The following FBXW11 variants were observed in gnomAD, a reference collection of about 807,000 sequenced individuals.
The protein encoded by FBXW11 is F-box and WD repeat domain containing 11.
Under a neutral mutation model 77.6 loss-of-function variants are expected in FBXW11, and 19 were observed. That is an observed-to-expected ratio of 0.24 (90% CI 0.17 to 0.36). The LOEUF is 0.36. Among genes scored for constraint, FBXW11 ranks in the 10% least tolerant of loss-of-function variants. The probability of loss-of-function intolerance (pLI) is 1.00; values close to 1 mark genes in which losing one functional copy is unlikely to be tolerated. For synonymous variants in FBXW11, 235 were observed against 249.4 expected, an observed-to-expected ratio of 0.94 and a Z score of 0.54; for missense variants, 334 against 704.2, an observed-to-expected ratio of 0.47 and a Z score of 5.95.
intron 1 of FBXW11, among the ~76,000 whole-genome samples, chr5:171,990,905 A>G (rs1486382719): frequency 1.3e-5 from 2 of 151,572 alleles, no homozygotes; most frequent in African/African-American, 2.4e-5. Flanking sequence ...ACTCACTGCA[A>G]CCCCCCACCT....
chr5:171,940,409 A>G (rs1349365072), intron 2 of FBXW11, among the ~76,000 whole-genome samples: 1 of 152,210 alleles, frequency 6.6e-6, no homozygotes, highest in Admixed American at 6.5e-5. Context: ...CCTAGAAGCA[A>G]TGACATTCCA....
chr5:171,968,596 T>C (rs1362853917), intron 1 of FBXW11, among the ~76,000 whole-genome samples: 1 of 152,190 alleles, frequency 6.6e-6, no homozygotes, highest in East Asian at 1.9e-4. Flanking sequence ...AAGTTACTAC[T>C]TCTAAATATG....
intron 2 of FBXW11, among the ~76,000 whole-genome samples, chr5:171,923,410 T>C (rs1277429184): frequency 6.6e-6 from 1 of 152,236 alleles, no homozygotes; most frequent in Non-Finnish European, 1.5e-5. Context: ...GAAGTTTAAT[T>C]TGTCAATTGT....
intron 1 of FBXW11, among the ~76,000 whole-genome samples, chr5:171,993,292 A>G (rs1765849746): frequency 6.6e-6 from 1 of 152,150 alleles, no homozygotes; most frequent in African/African-American, 2.4e-5. Context: ...CATATTAATT[A>G]GGACCTAGTA....
At chr5:171,930,028 C>T (rs1202222768) in intron 2 of FBXW11, among the ~76,000 whole-genome samples, 1 of 152,036 alleles carries the variant, frequency 6.6e-6, no homozygotes, top group Non-Finnish European at 1.5e-5. Flanking sequence ...TATGCTCCAG[C>T]CATAAATCTT....
intron 2 of FBXW11, among the ~76,000 whole-genome samples, chr5:171,956,491 C>A (rs1199016560): frequency 6.6e-6 from 1 of 152,158 alleles, no homozygotes; most frequent in African/African-American, 2.4e-5. Flanking sequence ...CCAAAGAAAG[C>A]AATTTGAATC....
chr5:171,952,445 A>ATTTTT (rs1206783053), intron 2 of FBXW11, among the ~76,000 whole-genome samples: 4 of 9,596 alleles, frequency 4.2e-4, no homozygotes, highest in African/African-American at 8.3e-4. Flanking sequence ...ATATATATAT[A>ATTTTT]TATTTTTTTT....
At chr5:171,915,414 G>A (rs1463862962) in intron 2 of FBXW11, among the ~76,000 whole-genome samples, 7 of 152,138 alleles carry the variant, frequency 4.6e-5, no homozygotes, top group Admixed American at 4.6e-4. Flanking sequence ...GTCCTAAAAT[G>A]TTTGGACTAT....
At chr5:171,978,301 G>A (rs899530974) in intron 1 of FBXW11, among the ~76,000 whole-genome samples, 2 of 152,104 alleles carry the variant, frequency 1.3e-5, no homozygotes, top group Admixed American at 1.3e-4. Context: ...AATCATCAAA[G>A]GAATATCAAA....
chr5:171,910,888 A>G (rs1160713087), intron 3 of FBXW11, 91 bp from the exon 4 acceptor site: 1 of 910,136 alleles, frequency 1.1e-6, no homozygotes, highest in Non-Finnish European at 1.6e-6. Flanking sequence ...CTGTGTATTT[A>G]ATCTTAAAAT....
Position 171,862,130 on chromosome 5 carries a change from C to T in FBXW11, c.*1997G>A, listed in dbSNP as rs984158296. The T allele has an allele frequency of 1.3e-5, 2 of 152,614 alleles. No individual in the cohort carries two copies. The highest frequency in any genetic ancestry group is 4.8e-5 in the African/African-American group (2 of 41,426). The allele number at this position is 152,614 out of a possible 1,614,324, so 9.5% of individuals were successfully genotyped here. ...TCAGAATTGCCTCCTCCCCTGCCCC[C>T]TCCCTTCCCCCTGGGCTTTCCTAAC... is the stretch of plus-strand genomic sequence containing the variant. On this transcript the variant is annotated 3_prime_UTR_variant, in exon 14 of 14. Coordinates refer to ENST00000517395, the MANE Select transcript of FBXW11 (RefSeq NM_001378974.1).
chr5:171,934,466 C>T (rs1445905603), intron 2 of FBXW11, among the ~76,000 whole-genome samples: 2 of 151,908 alleles, frequency 1.3e-5, no homozygotes, highest in Non-Finnish European at 1.5e-5. Flanking sequence ...TCACTTGAGG[C>T]CAGGGTTCAA....
At chr5:171,995,870 T>C (rs932051362) in intron 1 of FBXW11, among the ~76,000 whole-genome samples, 1 of 152,182 alleles carries the variant, frequency 6.6e-6, no homozygotes, top group Non-Finnish European at 1.5e-5. Flanking sequence ...GACAGGCAAT[T>C]TGAAAATCTA....
At chr5:171,935,291 TCTAAA>T (rs1462613147) in intron 2 of FBXW11, among the ~76,000 whole-genome samples, 21 of 152,160 alleles carry the variant, frequency 1.4e-4, no homozygotes, top group African/African-American at 5.1e-4. Context: ...ATACAAATGT[TCTAAA>T]CTGACTGTGG....
intron 3 of FBXW11, among the ~76,000 whole-genome samples, chr5:171,913,876 A>C (rs922932069): frequency 2.1e-4 from 21 of 100,226 alleles, no homozygotes; most frequent in Non-Finnish European, 3.5e-4. Context: ...CACACACACA[A>C]CCTGGGAAAT....
intron 7 of FBXW11, among the ~76,000 whole-genome samples, chr5:171,890,633 T>C (rs1759282774): frequency 6.6e-6 from 1 of 152,144 alleles, no homozygotes; most frequent in African/African-American, 2.4e-5. Flanking sequence ...TTTCACGCAA[T>C]GAACTAAAAA....
At chr5:171,914,795 T>C (rs183876998) in intron 2 of FBXW11, among the ~76,000 whole-genome samples, 11 of 152,304 alleles carry the variant, frequency 7.2e-5, no homozygotes, top group African/African-American at 1.7e-4. Context: ...TATTCAGTAA[T>C]GCACCCCAAG....
intron 4 of FBXW11, among the ~76,000 whole-genome samples, chr5:171,909,370 T>C (rs1760740055): frequency 6.6e-6 from 1 of 152,216 alleles, no homozygotes; most frequent in African/African-American, 2.4e-5. Context: ...TGGAGCACAG[T>C]GAAACCATTC....
chr5:171,914,831 C>A (rs1020000659), intron 2 of FBXW11, among the ~76,000 whole-genome samples: 5 of 152,162 alleles, frequency 3.3e-5, no homozygotes, highest in African/African-American at 1.2e-4. Context: ...AGTAGCAAAG[C>A]CTTGGAAGCC....
Sources: allele counts gnomAD v4.1 joint callset (sites outside exome capture counted in the v4.1 genomes callset), GRCh38; gene constraint gnomAD v4.1.1; transcripts MANE v1.5; gene names NCBI Gene and HGNC (gene_info 2026-07-23, HGNC 2026-07-21).